Variants in FIZ1 observed in about 807,000 individuals in gnomAD.
The protein encoded by FIZ1 is flt3-interacting zinc finger protein 1.
In FIZ1, 2 loss-of-function variants were observed where a neutral mutation model predicts 5.3. The ratio of observed to expected loss-of-function variants is 0.37; its 90% CI spans 0.15 to 1.18. The LOEUF (loss-of-function observed/expected upper bound fraction) is 1.18. Ranked by LOEUF, FIZ1 falls within the 50% of genes most tolerant of loss-of-function variation. The pLI is 0.37. For missense variants in FIZ1, 631 were observed against 749.7 expected, an observed-to-expected ratio of 0.84 and a Z score of 1.85; for synonymous variants, 407 against 364.2, an observed-to-expected ratio of 1.12 and a Z score of -1.34.
chr19:55,593,518 G>T lies in FIZ1; in HGVS notation c.423C>A (p.Gly141=). The T allele has an allele frequency of 1.3e-6, 2 of 1,550,192 alleles. No individual in the cohort carries two copies. The highest frequency in any genetic ancestry group is 2.4e-5 in the South Asian group (2 of 83,974). The change falls in exon 3 of 3, where the codon GGC becomes GGA. Residue 141 remains glycine, a synonymous_variant. Coordinates refer to ENST00000221665, the MANE Select transcript of FIZ1 (RefSeq NM_032836.3). The surrounding 1 kb of genome is among the most constrained non-coding windows in gnomAD (Gnocchi z 6.3). ...GCGCACTCAAGGCGGGCAGGCCAGG[G>T]CCGGGCTGCAGGGGAGAGGGGAGAA... The part of the protein sequence containing the change: ...RGVLPSPLQP[G]PGLPALSAPC...
At chr19:55,596,014 T>A (rs1980309972) in intron 2 of FIZ1, among the ~76,000 whole-genome samples, 1 of 151,878 alleles carries the variant, frequency 6.6e-6, no homozygotes, top group African/African-American at 2.4e-5. Flanking sequence ...CCCTTAGCTA[T>A]TTTTTTTCCC....
chr19:55,593,494 C>T lies in FIZ1; in HGVS notation c.447G>A (p.Ala149=). The change falls in exon 3 of 3, where the codon GCG becomes GCA. Residue 149 remains alanine (A), a synonymous_variant. Transcript: ENST00000221665. The surrounding 1 kb of genome is among the most constrained non-coding windows in gnomAD (Gnocchi z 6.3). ...QPGPGLPALS[A]PCSVCCNVGP... ...CCACATTGCAGCAGACGGAGCAGGG[C>T]GCACTCAAGGCGGGCAGGCCAGGGC... 1 of 1,549,194 alleles carries T rather than the reference C, an allele frequency of 6.5e-7. No individual in the cohort carries two copies. Among genetic ancestry groups the T allele is most frequent in the Non-Finnish European group, 8.7e-7 (1 of 1,146,518 alleles).
At position 55,593,020 on chromosome 19, in the gene FIZ1, C is replaced by A. The variant is rs1219295987; in HGVS notation, c.921G>T (p.Gly307=). Residue 307 remains glycine, a synonymous_variant, in exon 3 of 3, where the codon GGG becomes GGT. Coordinates refer to ENST00000221665, the MANE Select transcript of FIZ1 (RefSeq NM_032836.3). The surrounding 1 kb of genome is among the most constrained non-coding windows in gnomAD (Gnocchi z 6.3). ...CCTCCCCACCGCCCTCGGGGAGCAG[C>A]CCCCCGAGCTTGGGCACGCCGCCCC... ...PAGGGVPKLG[G]LLPEGGGEAP... 1.4e-6 allele frequency: 2 copies of A among 1,449,730 alleles called. No homozygotes were observed. Among genetic ancestry groups the A allele is most frequent in the South Asian group, 1.3e-5 (1 of 75,588 alleles). 89.8% of individuals were successfully genotyped at this position (1,449,730 alleles called of 1,614,324 possible). A position where few individuals can be genotyped will look rare whatever the true frequency, so the allele number is the denominator to read the frequency against.
In FIZ1 at chr19:55,592,740, C is replaced by T. The variant is rs1422096603; in HGVS notation, c.1201G>A (p.Gly401Arg). 8 of 1,610,764 alleles carry T rather than the reference C, an allele frequency of 5.0e-6. No individual in the cohort carries two copies. Among genetic ancestry groups the T allele is most frequent in the East Asian group, 2.2e-5 (1 of 44,816 alleles). Residue 401 changes from glycine (G) to arginine (R), a missense_variant, in exon 3 of 3, where the codon GGG (glycine) becomes AGG (arginine). Physicochemically the swap from Gly to Arg is moderately radical, Grantham distance 125. Around this residue, in one of 4 missense-constraint regions of FIZ1, gnomAD observed 463 missense variants for 455.1 expected, o/e 1.02. Coordinates refer to ENST00000221665, the MANE Select transcript of FIZ1 (RefSeq NM_032836.3). The surrounding 1 kb of genome is among the most constrained non-coding windows in gnomAD (Gnocchi z 6.9). ...TAAREREPASGEPPSGSGRGK... is the reference protein window; with the variant it reads ...TAAREREPASREPPSGSGRGK... Reference sequence around the variant, plus strand: ...CGGCCGGAGCCAGACGGGGGTTCCCCGGACGCCGGTTCCCTTTCCCGGGCG... The same window carrying T: ...CGGCCGGAGCCAGACGGGGGTTCCCTGGACGCCGGTTCCCTTTCCCGGGCG...
In FIZ1 at chr19:55,592,909, G is replaced by A; in HGVS notation, c.1032C>T (p.Ala344=). 1.3e-6 allele frequency: 2 copies of A among 1,543,864 alleles called. No homozygotes were observed. The highest frequency in any genetic ancestry group is 1.7e-6 in the Non-Finnish European group (2 of 1,152,716). The part of the protein sequence containing the change: ...DCGTFFASAA[A]LASHLEAHSG... ...AGTGGGCCTCCAGGTGACTGGCCAG[G>A]GCCGCGGCCGACGCAAAGAAGGTCC... Residue 344 remains alanine, a synonymous_variant, in exon 3 of 3, where the codon GCC becomes GCT. Coordinates refer to ENST00000221665, the MANE Select transcript of FIZ1 (RefSeq NM_032836.3). This position sits in a 1 kb window ranked among gnomAD's most constrained non-coding sequence, Gnocchi z 6.9.
intron 2 of FIZ1, among the ~76,000 whole-genome samples, chr19:55,596,355 G>A (rs1391618464): frequency 1.3e-5 from 2 of 152,076 alleles, no homozygotes; most frequent in South Asian, 2.1e-4. Flanking sequence ...AAAGACCATC[G>A]GTAGATGCCT....
At chr19:55,598,592 TTGGA>T (rs1980454011) in intron 1 of FIZ1, 1 of 152,350 alleles carries the variant, frequency 6.6e-6, no homozygotes, top group Admixed American at 6.5e-5. Flanking sequence ...AGTAAGCTGT[TTGGA>T]TGACTATTAT....
Position 55,593,769 on chromosome 19 carries a change from G to C in FIZ1, c.295-123C>G. 1.2e-6 allele frequency: 1 copy of C among 846,900 alleles called. No homozygotes were observed. The highest frequency in any genetic ancestry group is 1.9e-6 in the Non-Finnish European group (1 of 531,014). 52.5% of individuals were successfully genotyped at this position (846,900 alleles called of 1,614,324 possible). A position where few individuals can be genotyped will look rare whatever the true frequency, so the allele number is the denominator to read the frequency against. On this transcript the variant is annotated intron_variant, in intron 2 of 2. Coordinates refer to ENST00000221665, the MANE Select transcript of FIZ1 (RefSeq NM_032836.3). The surrounding 1 kb of genome is among the most constrained non-coding windows in gnomAD (Gnocchi z 6.3). ...TCACACCTACAGGGCCATGATCTAG[G>C]GAAACGCTCGTCCTATCACTCTCTG...
chr19:55,597,116 G>C (rs188599339), intron 2 of FIZ1, among the ~76,000 whole-genome samples: 2 of 152,336 alleles, frequency 1.3e-5, no homozygotes, highest in African/African-American at 4.8e-5. Flanking sequence ...ATTTGCTTTT[G>C]CCTTGGCAAC....
chr19:55,597,889 G>T lies in FIZ1; in HGVS notation c.-24C>A, dbSNP rs997336982. 3 of 1,552,550 alleles carry T rather than the reference G, an allele frequency of 1.9e-6. No homozygotes were observed. Among genetic ancestry groups the T allele is most frequent in the African/African-American group, 2.7e-5 (2 of 73,564 alleles). On this transcript the variant is annotated 5_prime_UTR_variant, in exon 2 of 3. Transcript: ENST00000221665. The stretch of plus-strand genomic sequence containing the variant: ...ATGGTGGCGGGGAATACAGTGGTAT[G>T]TGGGGGCTCTCTCTGGAGTAGTGGG...
rs892632105 is a variant in FIZ1, at chr19:55,591,660, C to T, written c.*790G>A. 2.0e-5 allele frequency: 3 copies of T among 152,554 alleles called. No individual in the cohort carries two copies. The highest frequency in any genetic ancestry group is 6.5e-5 in the Admixed American group (1 of 15,284). The allele number at this position is 152,554 out of a possible 1,614,324, so 9.5% of individuals were successfully genotyped here. A position where few individuals can be genotyped will look rare whatever the true frequency, so the allele number is the denominator to read the frequency against. ...ACGCTACAGGAAAAGAGAGGAGTGT[C>T]CGCCCTATTCACTCTAAGGAAGGTG... is the stretch of plus-strand genomic sequence containing the variant. On this transcript the variant is annotated 3_prime_UTR_variant, in exon 3 of 3. Coordinates refer to ENST00000221665, the MANE Select transcript of FIZ1 (RefSeq NM_032836.3).
intron 2 of FIZ1, chr19:55,595,727 T>C (rs1182538389): frequency 6.6e-6 from 1 of 152,334 alleles, no homozygotes; most frequent in African/African-American, 2.4e-5. Flanking sequence ...CAAAGCCTGC[T>C]TTGCTTCCTT....
At chr19:55,594,954 A>G (rs1432657850) in intron 2 of FIZ1, among the ~76,000 whole-genome samples, 1 of 152,186 alleles carries the variant, frequency 6.6e-6, no homozygotes, top group Non-Finnish European at 1.5e-5. Context: ...AGATCCAGGG[A>G]ATCACTTCCA....
chr19:55,597,928 A>T, intron 1 of FIZ1, 27 bp from the exon 2 acceptor site: 1 of 1,496,706 alleles, frequency 6.7e-7, no homozygotes, highest in East Asian at 2.5e-5. Context: ...ACAGAGGAGC[A>T]GGTGAGGGGG....
At chr19:55,597,988 T>C in intron 1 of FIZ1, 87 bp from the exon 2 acceptor site, 1 of 1,388,246 alleles carries the variant, frequency 7.2e-7, no homozygotes. Context: ...CCACCACCTG[T>C]CCCCTGGGAG....
At chr19:55,594,433 C>G (rs1476172990) in intron 2 of FIZ1, among the ~76,000 whole-genome samples, 1 of 145,864 alleles carries the variant, frequency 6.9e-6, no homozygotes, top group African/African-American at 2.5e-5. Context: ...TGCGGTGGCT[C>G]ACGCCTGTAA....
chr19:55,593,048 G>T lies in FIZ1; in HGVS notation c.893C>A (p.Ala298Glu). The change falls in exon 3 of 3, where the codon GCG (alanine) becomes GAG (glutamate). Residue 298 changes from alanine to glutamate, a missense_variant. This residue lies in a region of FIZ1 where 463 missense variants were observed against 455.1 expected (regional missense o/e 1.02). Transcript: ENST00000221665. The surrounding 1 kb of genome is among the most constrained non-coding windows in gnomAD (Gnocchi z 6.3). ...CCCGAGCTTGGGCACGCCGCCCCCC[G>T]CGGGGCCCAGGAGCAGCCTGCGGTC... is the stretch of plus-strand genomic sequence containing the variant. ...ASDRRLLLGP[A>E]GGGVPKLGGL... 1 of 1,393,544 alleles carries T rather than the reference G, an allele frequency of 7.2e-7. No homozygotes were observed. Among genetic ancestry groups the T allele is most frequent in the Non-Finnish European group, 9.2e-7 (1 of 1,083,588 alleles). 86.3% of individuals were successfully genotyped at this position (1,393,544 alleles called of 1,614,324 possible).
At position 55,592,675 on chromosome 19, in the gene FIZ1, C is replaced by G; in HGVS notation, c.1266G>C (p.Leu422=). The change falls in exon 3 of 3, where the codon CTG becomes CTC. Residue 422 remains leucine, a synonymous_variant. Coordinates refer to ENST00000221665, the MANE Select transcript of FIZ1 (RefSeq NM_032836.3). The surrounding 1 kb of genome is among the most constrained non-coding windows in gnomAD (Gnocchi z 6.9). The part of the protein sequence containing the change: ...KIFGCSECEK[L]FRSPRDLERH... ...GCTCCAGGTCTCGCGGTGAGCGGAA[C>G]AGCTTCTCGCACTCGGAGCAGCCGA... 6.2e-7 allele frequency: 1 copy of G among 1,613,358 alleles called. No homozygotes were observed. Among genetic ancestry groups the G allele is most frequent in the Non-Finnish European group, 8.5e-7 (1 of 1,179,880 alleles).
chr19:55,592,047 A>C lies in FIZ1; in HGVS notation c.*403T>G. The stretch of plus-strand genomic sequence containing the variant: ...CGTTAGGAATGATGGCTCTCAGGGA[A>C]TGGGGCAGTCTTCCCTTGGTGGGGG... On this transcript the variant is annotated 3_prime_UTR_variant, in exon 3 of 3. Transcript: ENST00000221665. The surrounding 1 kb of genome is among the most constrained non-coding windows in gnomAD (Gnocchi z 6.9). The C allele has an allele frequency of 3.2e-5, 6 of 186,274 alleles. No homozygotes were observed. Among genetic ancestry groups the C allele is most frequent in the East Asian group, 2.7e-4 (2 of 7,476 alleles). The allele number at this position is 186,274 out of a possible 1,614,324, so 11.5% of individuals were successfully genotyped here.
Sources: allele counts gnomAD v4.1 joint callset (sites outside exome capture counted in the v4.1 genomes callset), GRCh38; gene constraint gnomAD v4.1.1; regional missense constraint gnomAD v4.1.1; non-coding constraint Gnocchi (gnomAD v3.1); transcripts MANE v1.5; gene names NCBI Gene and HGNC (gene_info 2026-07-23, HGNC 2026-07-21).